Variants in ARID1B observed in about 807,000 individuals in gnomAD.
ARID1B encodes the protein AT-rich interactive domain-containing protein 1B.
In ARID1B, 30 loss-of-function variants were observed where a neutral mutation model predicts 212.3. That is an observed-to-expected ratio of 0.14 (90% CI 0.11 to 0.19). The LOEUF is 0.19. Ranked by LOEUF, ARID1B falls within the 10% of genes least tolerant of loss-of-function variation. ARID1B has a pLI of 1.00. For synonymous variants in ARID1B, 1,402 were observed against 1,301.7 expected (o/e 1.08, Z -1.66); for missense variants, 2,891 against 3,204.0 (o/e 0.90, Z 2.36).
chr6:156,779,581 G>A (rs966436886), intron 1 of ARID1B, 110 bp downstream of exon 1: 10 of 1,110,788 alleles, frequency 9.0e-6, no homozygotes, highest in South Asian at 8.0e-5. Flanking sequence ...CGGGGGCGGC[G>A]GGGGCGCGGC....
At chr6:156,970,648 T>A (rs558742556) in intron 4 of ARID1B, among the ~76,000 whole-genome samples, 1 of 152,358 alleles carries the variant, frequency 6.6e-6, no homozygotes, top group South Asian at 2.1e-4. Context: ...TCTTTTAGGT[T>A]ATAGAGCAAC....
At chr6:157,067,629 AT>A (rs1189240922) in intron 4 of ARID1B, among the ~76,000 whole-genome samples, 1 of 152,114 alleles carries the variant, frequency 6.6e-6, no homozygotes. Context: ...AATATTTATT[AT>A]TTGCTGGATC....
intron 4 of ARID1B, among the ~76,000 whole-genome samples, chr6:157,045,587 T>C (rs1409181755): frequency 2.0e-5 from 3 of 152,168 alleles, no homozygotes; most frequent in African/African-American, 7.2e-5. Context: ...GTGAATTTAC[T>C]TGGCTAACTC....
intron 1 of ARID1B, chr6:156,780,355 A>G (rs938631474): frequency 6.6e-6 from 1 of 152,098 alleles, no homozygotes; most frequent in Admixed American, 6.5e-5. Context: ...ATTTATTTGG[A>G]TTTTCTTTAT....
chr6:156,895,020 C>G, intron 2 of ARID1B, among the ~76,000 whole-genome samples: 1 of 152,120 alleles, frequency 6.6e-6, no homozygotes, highest in Non-Finnish European at 1.5e-5. Context: ...GTGGACTGTC[C>G]AGTGGTGTGG....
In ARID1B at chr6:156,779,295, CAGGCGGCGGCGGCGG is replaced by C. The variant is rs1043182758; in HGVS notation, c.1616_1630del (p.Gln539_Gly544delinsArg). ...GCCGCCGCCGTCGCAGCCCCAGTCCCAGGCGGCGGCGGCGGGGGCGGCGGCGGGCGGCCAGCAGGC... is the reference window on the plus strand; with the variant it reads ...GCCGCCGCCGTCGCAGCCCCAGTCCCGGGCGGCGGCGGGCGGCCAGCAGGC... On this transcript the variant is annotated inframe_deletion, in exon 1 of 20. Transcript: ENST00000636930. 6.3e-6 allele frequency: 7 copies of C among 1,119,612 alleles called. No homozygotes were observed. The Admixed American group carries it at 2.6e-4, about 41-fold the overall frequency. The allele number at this position is 1,119,612 out of a possible 1,614,324, so 69.4% of individuals were successfully genotyped here.
intron 4 of ARID1B, among the ~76,000 whole-genome samples, chr6:156,998,324 G>A (rs1277528121): frequency 6.6e-6 from 1 of 151,574 alleles, no homozygotes; most frequent in Non-Finnish European, 1.5e-5. Flanking sequence ...AGGTTCAAGC[G>A]ATTCTCCTGC....
chr6:156,990,545 G>T (rs996795276), intron 4 of ARID1B, among the ~76,000 whole-genome samples: 17 of 152,108 alleles, frequency 1.1e-4, no homozygotes, highest in Non-Finnish European at 2.2e-4. Context: ...GGAGGCTGAG[G>T]CAGGAGAATC....
rs777054816 is a variant in ARID1B, at chr6:157,206,787, T to A, written c.6015T>A (p.Ser2005=). 1.2e-6 allele frequency: 2 copies of A among 1,613,960 alleles called. No individual in the cohort carries two copies. Among genetic ancestry groups the A allele is most frequent in the Non-Finnish European group, 1.7e-6 (2 of 1,180,038 alleles). The part of the protein sequence containing the change: ...SIIATIDDVL[S]ARPGALPEDA... ...TAGCAACCATCGATGACGTCCTCTC[T>A]GCTCGGCCAGGGGCATTGCCTGAAG... The change falls in exon 20 of 20, where the codon TCT becomes TCA. Residue 2005 remains serine (S), a synonymous_variant. Transcript: ENST00000636930. The surrounding 1 kb of genome is among the most constrained non-coding windows in gnomAD (Gnocchi z 6.8).
intron 5 of ARID1B, among the ~76,000 whole-genome samples, chr6:157,085,632 A>T (rs1216931850): frequency 6.6e-6 from 1 of 152,136 alleles, no homozygotes; most frequent in African/African-American, 2.4e-5. Flanking sequence ...ACCAAACCAG[A>T]TAATTCATTC....
chr6:156,847,004 T>TA, intron 2 of ARID1B, among the ~76,000 whole-genome samples: 1 of 152,232 alleles, frequency 6.6e-6, no homozygotes, highest in Non-Finnish European at 1.5e-5. Flanking sequence ...TCTTATCTGT[T>TA]ACCATCTCAC....
chr6:156,796,227 CTATCAGGGT>C (rs1222047676), intron 1 of ARID1B, among the ~76,000 whole-genome samples: 1 of 152,156 alleles, frequency 6.6e-6, no homozygotes, highest in East Asian at 1.9e-4. Context: ...TAATGTATCA[CTATCAGGGT>C]TATCATGGAT....
chr6:156,866,364 G>GGT (rs1785693853), intron 2 of ARID1B, among the ~76,000 whole-genome samples: 2 of 152,274 alleles, frequency 1.3e-5, no homozygotes, highest in African/African-American at 4.8e-5. Context: ...TATACTCGGA[G>GGT]GTGTCTGCTG....
intron 8 of ARID1B, among the ~76,000 whole-genome samples, chr6:157,156,220 T>C (rs1790564380): frequency 6.6e-6 from 1 of 152,190 alleles, no homozygotes; most frequent in South Asian, 2.1e-4. Flanking sequence ...TTTGGACAAT[T>C]AGGTTTTAAC....
At chr6:156,966,851 C>A (rs147442796) in intron 4 of ARID1B, among the ~76,000 whole-genome samples, 2,743 of 152,150 alleles carry the variant, frequency 0.018, 37 homozygotes, top group Non-Finnish European at 0.03. Context: ...CAGGCATGTG[C>A]CACCATGCTT....
intron 10 of ARID1B, 53 bp from the exon 11 acceptor site, chr6:157,174,794 A>G (rs1791985772): frequency 2.2e-6 from 3 of 1,391,460 alleles, no homozygotes; most frequent in Non-Finnish European, 2.8e-6. Flanking sequence ...GTTATTTTAA[A>G]TAAAGTTTGC....
intron 6 of ARID1B, among the ~76,000 whole-genome samples, chr6:157,111,774 A>G (rs1197541744): frequency 6.6e-6 from 1 of 152,160 alleles, no homozygotes; most frequent in African/African-American, 2.4e-5. Context: ...ATACCATTAC[A>G]TATATATATT....
intron 4 of ARID1B, chr6:156,940,078 G>T (rs1037643908): frequency 2.0e-5 from 3 of 152,172 alleles, no homozygotes; most frequent in Admixed American, 1.3e-4. Flanking sequence ...TTATTCTTCA[G>T]AGAGGCATGC....
chr6:157,139,329 C>T (rs1029930532), intron 7 of ARID1B, among the ~76,000 whole-genome samples: 1 of 152,154 alleles, frequency 6.6e-6, no homozygotes, highest in Admixed American at 6.5e-5. Context: ...GCTTCACTTG[C>T]CCTCTTAGCA....
Sources: gnomAD v4.1 joint callset for allele counts (sites outside exome capture counted in the v4.1 genomes callset) on GRCh38, gnomAD v4.1.1 for gene constraint, Gnocchi (gnomAD v3.1) non-coding constraint, MANE v1.5 for transcripts, NCBI Gene and HGNC (gene_info 2026-07-23, HGNC 2026-07-21) for gene names.